Variants in ATP6V0A4 observed in about 807,000 individuals in gnomAD.
The protein encoded by ATP6V0A4 is V-type proton ATPase 116 kDa subunit a 4.
Under a neutral mutation model 107.3 loss-of-function variants are expected in ATP6V0A4, and 86 were observed. That is an observed-to-expected ratio of 0.80 (90% confidence interval 0.67 to 0.96). The LOEUF is 0.96. Ranked by LOEUF, ATP6V0A4 falls within the 40% of genes least tolerant of loss-of-function variation. ATP6V0A4 has a pLI of 0.00. For missense variants in ATP6V0A4, 908 were observed against 1,045.6 expected, an observed-to-expected ratio of 0.87 and a Z score of 1.81; for synonymous variants, 353 against 381.4, an observed-to-expected ratio of 0.93 and a Z score of 0.87.
At chr7:138,758,151 G>C (rs554392302) in intron 8 of ATP6V0A4, among the ~76,000 whole-genome samples, 109 of 151,194 alleles carry the variant, frequency 7.2e-4, no homozygotes, top group Non-Finnish European at 9.6e-4. Context: ...TGTCAAAACA[G>C]GATTATAAAA....
At chr7:138,730,928 CTTCTTTTTTTAT>C (rs2117233964) in intron 17 of ATP6V0A4, among the ~76,000 whole-genome samples, 1 of 69,582 alleles carries the variant, frequency 1.4e-5, no homozygotes, top group African/African-American at 6.6e-5. Context: ...TCTTCTTCTT[CTTCTTTTTTTAT>C]TTTTTTTTTT....
intron 21 of ATP6V0A4, among the ~76,000 whole-genome samples, chr7:138,707,218 T>C (rs1584880863): frequency 1.2e-5 from 1 of 83,778 alleles, no homozygotes; most frequent in East Asian, 3.3e-4. Context: ...TTATATTATA[T>C]AGAATATATT....
intron 1 of ATP6V0A4, among the ~76,000 whole-genome samples, chr7:138,796,113 G>C (rs530269491): frequency 6.6e-6 from 1 of 152,224 alleles, no homozygotes; most frequent in Admixed American, 6.5e-5. Flanking sequence ...TACTTGTGAG[G>C]AAAACATCGA....
At chr7:138,722,744 C>CA (rs71169049) in intron 18 of ATP6V0A4, among the ~76,000 whole-genome samples, 4,513 of 33,352 alleles carry the variant, frequency 0.14, 1,004 homozygotes, top group African/African-American at 0.21. Flanking sequence ...GACTCCATCT[C>CA]AAAAAAAAAA....
At chr7:138,728,726 G>A in intron 18 of ATP6V0A4, 35 bp downstream of exon 18, 1 of 1,613,212 alleles carries the variant, frequency 6.2e-7, no homozygotes, top group South Asian at 1.1e-5. Flanking sequence ...ACATTCTTAT[G>A]CAAAGTAGGG....
At chr7:138,707,512 CT>C (rs1803508408) in intron 21 of ATP6V0A4, among the ~76,000 whole-genome samples, 4 of 147,402 alleles carry the variant, frequency 2.7e-5, no homozygotes, top group Admixed American at 2.2e-4. Context: ...AGCAATTCTC[CT>C]GCCTCAGCCT....
At chr7:138,709,536 G>A in intron 21 of ATP6V0A4, 88 bp downstream of exon 21, 1 of 1,284,252 alleles carries the variant, frequency 7.8e-7, no homozygotes, top group Non-Finnish European at 1.1e-6. Flanking sequence ...GTCACATACA[G>A]CTCACGATCT....
At chr7:138,790,895 G>A (rs1033548605) in intron 1 of ATP6V0A4, among the ~76,000 whole-genome samples, 8 of 152,174 alleles carry the variant, frequency 5.3e-5, no homozygotes, top group African/African-American at 1.7e-4. Context: ...CAGGAAGAAA[G>A]CATTATCCTG....
intron 18 of ATP6V0A4, among the ~76,000 whole-genome samples, chr7:138,723,269 T>C (rs1005726237): frequency 1.3e-5 from 2 of 152,092 alleles, no homozygotes; most frequent in Non-Finnish European, 2.9e-5. Flanking sequence ...CACATGGTCA[T>C]AAATCATCAG....
intron 2 of ATP6V0A4, among the ~76,000 whole-genome samples, chr7:138,776,285 G>A (rs751188220): frequency 2.0e-5 from 3 of 152,170 alleles, no homozygotes; most frequent in Non-Finnish European, 2.9e-5. Context: ...GTGAACCTGG[G>A]GCAGTGGAGG....
intron 17 of ATP6V0A4, among the ~76,000 whole-genome samples, chr7:138,730,035 C>T (rs1198751082): frequency 6.6e-6 from 1 of 152,234 alleles, no homozygotes; most frequent in African/African-American, 2.4e-5. Flanking sequence ...CGGCATGTGC[C>T]ACCACACCCG....
rs181385028 is a variant in ATP6V0A4, at chr7:138,738,316, G to A, written c.1572+1224C>T. 1.6e-3 allele frequency among the ~76,000 whole-genome samples: 246 copies of A among 152,168 alleles called. 1 individual carries two copies. Among genetic ancestry groups the A allele is most frequent in the Admixed American group, 0.013 (204 of 15,276 alleles). On this transcript the variant is annotated intron_variant, in intron 15 of 21. Transcript: ENST00000310018. ...ACTCAGTTCTGCAATGTGAAATACC[G>A]TAGCTCCACTCTGTCTGAGGAGCAG...
intron 15 of ATP6V0A4, 80 bp downstream of exon 15, chr7:138,739,460 G>T (rs910333792): frequency 2.6e-6 from 4 of 1,522,418 alleles, no homozygotes; most frequent in South Asian, 2.3e-5. Context: ...GACAGGCTTT[G>T]TTGGCCTTTT....
At chr7:138,767,677 G>C (rs889740735) in intron 5 of ATP6V0A4, among the ~76,000 whole-genome samples, 6 of 150,616 alleles carry the variant, frequency 4.0e-5, no homozygotes, top group Admixed American at 6.6e-5. Context: ...CAGAGAAAAG[G>C]CTCAGCTAGG....
At chr7:138,716,924 A>T (rs1423687599) in intron 19 of ATP6V0A4, among the ~76,000 whole-genome samples, 1 of 151,954 alleles carries the variant, frequency 6.6e-6, no homozygotes, top group Non-Finnish European at 1.5e-5. Context: ...TAGTCAGGAG[A>T]ATATGTAGAA....
At chr7:138,735,981 T>A (rs914283649) in intron 15 of ATP6V0A4, among the ~76,000 whole-genome samples, 2 of 152,058 alleles carry the variant, frequency 1.3e-5, no homozygotes, top group East Asian at 3.9e-4. Context: ...GGCAGAAGAA[T>A]CACTTGAACC....
intron 15 of ATP6V0A4, among the ~76,000 whole-genome samples, chr7:138,734,630 T>C (rs1805213031): frequency 6.6e-6 from 1 of 151,868 alleles, no homozygotes; most frequent in Non-Finnish European, 1.5e-5. Context: ...ATACAAAAAT[T>C]AGCTGGGCAT....
At position 138,742,892 on chromosome 7, in the gene ATP6V0A4, T is replaced by C. The variant is rs540255383; in HGVS notation, c.1478+2231A>G. Among the ~76,000 whole-genome samples the C allele has an allele frequency of 9.6e-4, 58 of 60,302 alleles. 2 individuals are homozygous for C. In the South Asian group the frequency reaches 0.042, roughly 44 times the overall value. The allele number at this position is 60,302 out of a possible 152,430, so 39.6% of individuals were successfully genotyped here. On this transcript the variant is annotated intron_variant, in intron 14 of 21. Transcript: ENST00000310018. ...TTTGGGCATCTCTTTAGAATACTAA[T>C]TGCAAAGCAAAAAAAAAAAAAAATC...
At position 138,706,420 on chromosome 7, in the gene ATP6V0A4, C is replaced by CA; in HGVS notation, c.*203dup. ...TGAGAATTAATACCCCACATGAAGA[C>CA]AATATCACTTGCCAAAGTCCTTCCT... On this transcript the variant is annotated 3_prime_UTR_variant, in exon 22 of 22. Coordinates refer to ENST00000310018, the MANE Select transcript of ATP6V0A4 (RefSeq NM_020632.3). The CA allele has an allele frequency of 1.6e-6, 1 of 612,392 alleles. No homozygotes were observed. Among genetic ancestry groups the CA allele is most frequent in the Non-Finnish European group, 2.9e-6 (1 of 343,146 alleles). 37.9% of individuals were successfully genotyped at this position (612,392 alleles called of 1,614,324 possible).
Sources: allele counts gnomAD v4.1 joint callset (sites outside exome capture counted in the v4.1 genomes callset), GRCh38; gene constraint gnomAD v4.1.1; transcripts MANE v1.5; gene names NCBI Gene and HGNC (gene_info 2026-07-23, HGNC 2026-07-21).